The following INVS variants were observed in gnomAD, a reference collection of about 807,000 sequenced individuals.
INVS encodes the protein inversin.
INVS carries 86 observed loss-of-function variants against 108.8 expected under a neutral mutation model. The ratio of observed to expected loss-of-function variants is 0.79; its 90% confidence interval spans 0.66 to 0.95. The LOEUF is 0.95. INVS is among the 40% of genes least tolerant of loss of function. The pLI is 0.00. For missense variants in INVS, 1,169 were observed against 1,297.4 expected (o/e 0.90, Z 1.52); for synonymous variants, 455 against 473.5 (o/e 0.96, Z 0.51).
intron 2 of INVS, among the ~76,000 whole-genome samples, chr9:100,118,053 T>C (rs966994346): frequency 6.6e-6 from 1 of 151,138 alleles, no homozygotes; most frequent in African/African-American, 2.4e-5. Flanking sequence ...CCAAGACAGA[T>C]TTTTTCTTTT....
intron 3 of INVS, among the ~76,000 whole-genome samples, chr9:100,165,913 A>G (rs544834637): frequency 1.3e-5 from 2 of 152,224 alleles, no homozygotes; most frequent in African/African-American, 4.8e-5. Flanking sequence ...TATTTGGAGA[A>G]CACAATCTAG....
intron 13 of INVS, among the ~76,000 whole-genome samples, chr9:100,289,827 C>A (rs1833557683): frequency 6.6e-6 from 1 of 152,236 alleles, no homozygotes; most frequent in African/African-American, 2.4e-5. Context: ...GCTACTATAA[C>A]ATCCCTGTGC....
chr9:100,179,496 GTC>G (rs933189370), intron 3 of INVS, among the ~76,000 whole-genome samples: 15 of 151,274 alleles, frequency 9.9e-5, no homozygotes, highest in African/African-American at 3.6e-4. Context: ...TGCAATCCTA[GTC>G]TCTGATAAAA....
chr9:100,213,897 G>A (rs1256946136), intron 3 of INVS, among the ~76,000 whole-genome samples: 1 of 152,114 alleles, frequency 6.6e-6, no homozygotes, highest in African/African-American at 2.4e-5. Context: ...AGTAAAGAGT[G>A]GCCAAGACTT....
intron 3 of INVS, among the ~76,000 whole-genome samples, chr9:100,140,353 G>T (rs1411702033): frequency 6.6e-6 from 1 of 152,090 alleles, no homozygotes; most frequent in Non-Finnish European, 1.5e-5. Flanking sequence ...TCAAAGGGGG[G>T]TTGTTCTCTG....
chr9:100,220,732 C>T (rs930023032), intron 3 of INVS, among the ~76,000 whole-genome samples: 1 of 152,170 alleles, frequency 6.6e-6, no homozygotes, highest in Admixed American at 6.5e-5. Flanking sequence ...CACAGTGGCT[C>T]ACGCCTGTAA....
intron 3 of INVS, among the ~76,000 whole-genome samples, chr9:100,212,122 A>C (rs1443737387): frequency 1.3e-5 from 2 of 152,184 alleles, no homozygotes; most frequent in Non-Finnish European, 2.9e-5. Flanking sequence ...CTTCCCTATA[A>C]AATCACTTTA....
intron 12 of INVS, among the ~76,000 whole-genome samples, chr9:100,279,155 CG>C (rs1833202944): frequency 6.6e-6 from 1 of 151,970 alleles, no homozygotes; most frequent in Admixed American, 6.6e-5. Context: ...AAATGGAAGC[CG>C]GATTGAATAA....
chr9:100,294,990 G>A (rs1461634770), intron 14 of INVS, among the ~76,000 whole-genome samples: 5 of 152,200 alleles, frequency 3.3e-5, no homozygotes, highest in Non-Finnish European at 7.3e-5. Context: ...GCAAGTGCCA[G>A]GGCTGGCTTT....
At chr9:100,289,956 G>A (rs555478863) in intron 13 of INVS, among the ~76,000 whole-genome samples, 1 of 152,272 alleles carries the variant, frequency 6.6e-6, no homozygotes, top group African/African-American at 2.4e-5. Flanking sequence ...CTTCCAAAGT[G>A]GATGTACCAT....
intron 8 of INVS, among the ~76,000 whole-genome samples, chr9:100,249,920 C>A (rs541831891): frequency 6.7e-6 from 1 of 149,506 alleles, no homozygotes; most frequent in East Asian, 2.1e-4. Flanking sequence ...GTCTGGTCAA[C>A]GTGGTGAAAC....
rs574960336 is a variant in INVS at position 100,151,535 on chromosome 9, T to C, written c.273+24986T>C. Reference sequence around the variant, plus strand: ...TAATGAATGAGCAAAAGGAAAGCGCTAAGAGATGAAGAAAGAGAAAGAATG... The same window carrying C: ...TAATGAATGAGCAAAAGGAAAGCGCCAAGAGATGAAGAAAGAGAAAGAATG... On this transcript the variant is annotated intron_variant, in intron 3 of 16. Transcript: ENST00000262457. Among the ~76,000 whole-genome samples the C allele has an allele frequency of 7.9e-5, 12 of 152,064 alleles. No homozygotes were observed. In the South Asian group the frequency reaches 2.5e-3, roughly 32 times the overall value.
intron 3 of INVS, among the ~76,000 whole-genome samples, chr9:100,204,444 T>C (rs751130929): frequency 2.6e-5 from 4 of 152,232 alleles, no homozygotes; most frequent in Non-Finnish European, 4.4e-5. Flanking sequence ...TATCTATCTC[T>C]TTAGTTTTTA....
chr9:100,256,354 T>TA (rs970083947), intron 10 of INVS, among the ~76,000 whole-genome samples: 14 of 152,108 alleles, frequency 9.2e-5, no homozygotes, highest in South Asian at 2.1e-4. Flanking sequence ...GTTGATCTTT[T>TA]AAAAAAAACC....
At chr9:100,148,792 A>G (rs1285999415) in intron 3 of INVS, among the ~76,000 whole-genome samples, 3 of 152,224 alleles carry the variant, frequency 2.0e-5, no homozygotes, top group East Asian at 1.9e-4. Context: ...CAGTCTTTCT[A>G]TAAAACCAAC....
intron 3 of INVS, among the ~76,000 whole-genome samples, chr9:100,197,145 C>G (rs1037471172): frequency 1.6e-4 from 24 of 152,192 alleles, no homozygotes; most frequent in African/African-American, 5.5e-4. Flanking sequence ...ACCAAACCAG[C>G]TTCAAGTTGG....
At chr9:100,256,468 TGG>T (rs1832425657) in intron 10 of INVS, among the ~76,000 whole-genome samples, 4 of 152,214 alleles carry the variant, frequency 2.6e-5, no homozygotes, top group Admixed American at 6.5e-5. Flanking sequence ...CTTTTGAATG[TGG>T]TTGCTCTTGC....
intron 8 of INVS, among the ~76,000 whole-genome samples, chr9:100,249,086 AGAACCCTTTTCCCCCAAATGAAAAGGGGG>A (rs1383634726): frequency 3.4e-4 from 52 of 152,208 alleles, no homozygotes; most frequent in African/African-American, 9.2e-4. Flanking sequence ...GAAGAGCATA[AGAACCCTTTTCCCCCAAATGAAAAGGGGG>A]GAACCCTTTT....
In INVS at chr9:100,300,603, A is replaced by G; in HGVS notation, c.3127A>G (p.Ser1043Gly). The G allele has an allele frequency of 1.2e-6, 2 of 1,613,854 alleles. No homozygotes were observed. Among genetic ancestry groups the G allele is most frequent in the Non-Finnish European group, 1.7e-6 (2 of 1,179,726 alleles). ...ACAGTGTATACATCTCCTTGAGAAC[A>G]GTGGAAGATCAAAGAACTTTTCTTA... ...NLQCIHLLEN[S>G]GRSKNFSYNL... is the part of the protein sequence containing the mutation. The change falls in exon 17 of 17, where the codon AGT becomes GGT. Residue 1043 changes from serine to glycine, a missense_variant. Transcript: ENST00000262457.
Sources: allele counts gnomAD v4.1 joint callset (sites outside exome capture counted in the v4.1 genomes callset), GRCh38; gene constraint gnomAD v4.1.1; transcripts MANE v1.5; gene names NCBI Gene and HGNC (gene_info 2026-07-23, HGNC 2026-07-21).